The following ZNF804A variants were observed in gnomAD, a reference collection of about 807,000 sequenced individuals.
ZNF804A encodes zinc finger protein 804A.
ZNF804A carries 2 observed loss-of-function variants against 16.5 expected under a neutral mutation model. That is an observed-to-expected ratio of 0.12 (90% CI 0.05 to 0.38). The LOEUF (loss-of-function observed/expected upper bound fraction) is 0.38. Ranked by LOEUF, ZNF804A falls within the 10% of genes least tolerant of loss-of-function variation. The pLI is 0.99. For missense variants in ZNF804A, 1,473 were observed against 1,390.7 expected (o/e 1.06, Z -0.94); for synonymous variants, 534 against 489.6 (o/e 1.09, Z -1.20).
At chr2:184,837,946 G>T (rs1441886477) in intron 1 of ZNF804A, among the ~76,000 whole-genome samples, 1 of 152,120 alleles carries the variant, frequency 6.6e-6, no homozygotes, top group African/African-American at 2.4e-5. Flanking sequence ...TGCCTTGAGA[G>T]AAACAGCAGG....
At chr2:184,650,938 A>G (rs951619072) in intron 1 of ZNF804A, among the ~76,000 whole-genome samples, 3 of 152,126 alleles carry the variant, frequency 2.0e-5, no homozygotes, top group African/African-American at 7.2e-5. Context: ...CTAGAAAAAT[A>G]TATTCTAAAA....
At chr2:184,654,728 A>G (rs545669568) in intron 1 of ZNF804A, among the ~76,000 whole-genome samples, 7 of 152,310 alleles carry the variant, frequency 4.6e-5, no homozygotes, top group South Asian at 2.1e-4. Context: ...ATGAAAAAGC[A>G]TATAGGATTC....
At chr2:184,868,842 C>G (rs957039040) in intron 2 of ZNF804A, among the ~76,000 whole-genome samples, 1 of 151,908 alleles carries the variant, frequency 6.6e-6, no homozygotes, top group African/African-American at 2.4e-5. Flanking sequence ...AAAACTCCAG[C>G]CTAATGCTTG....
chr2:184,719,643 C>A (rs1262531167), intron 1 of ZNF804A, among the ~76,000 whole-genome samples: 1 of 152,122 alleles, frequency 6.6e-6, no homozygotes. Flanking sequence ...AGGGCAGGGG[C>A]AAAATACAGC....
chr2:184,614,765 T>G (rs1288941823), intron 1 of ZNF804A, among the ~76,000 whole-genome samples: 1 of 152,170 alleles, frequency 6.6e-6, no homozygotes, highest in Admixed American at 6.6e-5. Context: ...GACATTTATG[T>G]GACCAACAAA....
chr2:184,751,725 T>A lies in ZNF804A; in HGVS notation c.112-114644T>A, dbSNP rs117552234. Among the ~76,000 whole-genome samples the A allele has an allele frequency of 8.1e-3, 1,234 of 151,694 alleles. 34 individuals carry two copies. The highest frequency in any genetic ancestry group is 0.056 in the East Asian group (289 of 5,156). ...GGAATTGGAGAAAACATTTGCAAATTATGCCTCTTACAAAGGACTAATATC... is the reference window on the plus strand; with the variant it reads ...GGAATTGGAGAAAACATTTGCAAATAATGCCTCTTACAAAGGACTAATATC... On this transcript the variant is annotated intron_variant, in intron 1 of 3. Coordinates refer to ENST00000302277, the MANE Select transcript of ZNF804A (RefSeq NM_194250.2).
intron 2 of ZNF804A, among the ~76,000 whole-genome samples, chr2:184,911,166 C>T (rs1421420736): frequency 6.6e-6 from 1 of 151,946 alleles, no homozygotes; most frequent in African/African-American, 2.4e-5. Flanking sequence ...AGTTAGGGGT[C>T]CAGATTCATT....
At chr2:184,724,705 A>G (rs1293319823) in intron 1 of ZNF804A, among the ~76,000 whole-genome samples, 2 of 151,748 alleles carry the variant, frequency 1.3e-5, no homozygotes, top group Non-Finnish European at 1.5e-5. Context: ...TGAGTCCACC[A>G]TCTAACTACA....
intron 1 of ZNF804A, among the ~76,000 whole-genome samples, chr2:184,775,623 A>G (rs1363673656): frequency 6.6e-6 from 1 of 151,648 alleles, no homozygotes; most frequent in Admixed American, 6.6e-5. Context: ...ACTGTTAGTA[A>G]ACAACAAATT....
intron 2 of ZNF804A, among the ~76,000 whole-genome samples, chr2:184,868,836 C>G (rs1030325074): frequency 6.6e-6 from 1 of 151,978 alleles, no homozygotes; most frequent in East Asian, 1.9e-4. Context: ...AAAACTAAAA[C>G]TCCAGCCTAA....
chr2:184,677,071 A>C (rs1444761242), intron 1 of ZNF804A, among the ~76,000 whole-genome samples: 3 of 151,882 alleles, frequency 2.0e-5, no homozygotes, highest in Non-Finnish European at 4.4e-5. Context: ...AAAGAAAAAA[A>C]ACATTTATTT....
intron 1 of ZNF804A, among the ~76,000 whole-genome samples, chr2:184,789,554 T>C (rs1694501225): frequency 6.6e-6 from 1 of 152,114 alleles, no homozygotes; most frequent in Non-Finnish European, 1.5e-5. Flanking sequence ...TGTTTCTGAT[T>C]CAATCTCGGG....
intron 1 of ZNF804A, among the ~76,000 whole-genome samples, chr2:184,656,442 G>A (rs1021994936): frequency 2.0e-5 from 3 of 152,094 alleles, no homozygotes; most frequent in Admixed American, 2.0e-4. Context: ...TACCATCTGT[G>A]TGGCATGTTT....
At chr2:184,658,844 A>C (rs1692122698) in intron 1 of ZNF804A, among the ~76,000 whole-genome samples, 1 of 152,230 alleles carries the variant, frequency 6.6e-6, no homozygotes, top group Non-Finnish European at 1.5e-5. Flanking sequence ...AGGCAAAACA[A>C]ACTTACCTGA....
intron 1 of ZNF804A, among the ~76,000 whole-genome samples, chr2:184,801,232 TTA>T (rs1414425977): frequency 1.3e-5 from 2 of 152,162 alleles, no homozygotes; most frequent in African/African-American, 4.8e-5. Flanking sequence ...TTTTGTGTTT[TTA>T]TATTTCTTCA....
At chr2:184,826,044 T>C (rs2105793151) in intron 1 of ZNF804A, among the ~76,000 whole-genome samples, 1 of 151,528 alleles carries the variant, frequency 6.6e-6, no homozygotes, top group East Asian at 1.9e-4. Flanking sequence ...GCTATTTATT[T>C]ATTTATTTAT....
intron 1 of ZNF804A, among the ~76,000 whole-genome samples, chr2:184,671,992 G>C (rs527483678): frequency 1.3e-5 from 2 of 152,304 alleles, no homozygotes; most frequent in East Asian, 3.9e-4. Context: ...TGATGTCTTG[G>C]TTCTCTTCAC....
chr2:184,864,208 G>A lies in ZNF804A; in HGVS notation c.112-2161G>A, dbSNP rs1198996665. Among the ~76,000 whole-genome samples the A allele has an allele frequency of 2.0e-5, 3 of 152,230 alleles. No individual in the cohort carries two copies. The East Asian group carries it at 5.8e-4, about 29-fold the overall frequency. ...TCCACTCATAATGGAAGGGGAAGGG[G>A]AGCTGGTGGGTGCAGAGATCACACG... On this transcript the variant is annotated intron_variant, in intron 1 of 3. Transcript: ENST00000302277.
At chr2:184,892,032 A>C (rs1025487196) in intron 2 of ZNF804A, among the ~76,000 whole-genome samples, 1 of 152,174 alleles carries the variant, frequency 6.6e-6, no homozygotes, top group Non-Finnish European at 1.5e-5. Context: ...GACCTATTTG[A>C]CAGTTTACTA....
Sources: allele counts gnomAD v4.1 joint callset (sites outside exome capture counted in the v4.1 genomes callset), GRCh38; gene constraint gnomAD v4.1.1; transcripts MANE v1.5; gene names NCBI Gene and HGNC (gene_info 2026-07-23, HGNC 2026-07-21).